GPR63: variants seen among roughly 807,000 people sequenced by gnomAD.
GPR63 encodes the protein G protein-coupled receptor 63.
GPR63 carries 12 observed loss-of-function variants against 23.1 expected under a neutral mutation model. That is an observed-to-expected ratio of 0.52 (90% confidence interval 0.33 to 0.84). The LOEUF (loss-of-function observed/expected upper bound fraction) is 0.84. Ranked by LOEUF, GPR63 falls within the 40% of genes least tolerant of loss-of-function variation. The probability of loss-of-function intolerance (pLI) is 0.02; values close to 1 mark genes in which losing one functional copy is unlikely to be tolerated. For missense variants in GPR63, 472 were observed against 515.6 expected (o/e 0.92, Z 0.82); for synonymous variants, 172 against 191.1 (o/e 0.90, Z 0.82).
At chr6:96,836,783 C>T (rs1305506296) in intron 1 of GPR63, among the ~76,000 whole-genome samples, 1 of 152,054 alleles carries the variant, frequency 6.6e-6, no homozygotes, top group Non-Finnish European at 1.5e-5. Flanking sequence ...ACTGTTGGAG[C>T]GCGAAAGGAC....
intron 1 of GPR63, among the ~76,000 whole-genome samples, chr6:96,829,367 A>G (rs1324475388): frequency 1.3e-5 from 2 of 152,178 alleles, no homozygotes; most frequent in Admixed American, 1.3e-4. Context: ...AGGAAACATG[A>G]TTCTCATTAA....
chr6:96,810,143 T>A (rs937492413), intron 1 of GPR63, among the ~76,000 whole-genome samples: 20 of 152,174 alleles, frequency 1.3e-4, no homozygotes, highest in Admixed American at 7.9e-4. Flanking sequence ...AGAATGTTCA[T>A]TGTAGCATTA....
chr6:96,820,287 T>C (rs1287572785), intron 1 of GPR63, among the ~76,000 whole-genome samples: 3 of 152,172 alleles, frequency 2.0e-5, no homozygotes, highest in Non-Finnish European at 2.9e-5. Flanking sequence ...CAAAATAAGG[T>C]ATTTAGACAT....
intron 1 of GPR63, among the ~76,000 whole-genome samples, chr6:96,810,089 C>G (rs1774002922): frequency 1.3e-5 from 2 of 152,222 alleles, no homozygotes; most frequent in South Asian, 4.1e-4. Flanking sequence ...TAAATATTGT[C>G]TAGAATTCTA....
In GPR63 at chr6:96,817,658, C is replaced by A. The variant is rs1774197656; in HGVS notation, c.-150-17777G>T. Among the ~76,000 whole-genome samples the A allele has an allele frequency of 2.0e-5, 3 of 151,950 alleles. No individual in the cohort carries two copies. In the South Asian group the frequency reaches 6.2e-4, roughly 31 times the overall value. On this transcript the variant is annotated intron_variant, in intron 1 of 1. Transcript: ENST00000229955. ...TTCATATAATCAAATACTACACAGC[C>A]ACGAAAATGGGCAAAACTACTATAA...
chr6:96,832,774 C>A (rs1774621148), intron 1 of GPR63, among the ~76,000 whole-genome samples: 1 of 149,296 alleles, frequency 6.7e-6, no homozygotes, highest in Admixed American at 6.8e-5. Flanking sequence ...GCACTTATAC[C>A]CCTGAACTTA....
At chr6:96,816,516 T>C (rs1189627351) in intron 1 of GPR63, among the ~76,000 whole-genome samples, 2 of 152,110 alleles carry the variant, frequency 1.3e-5, no homozygotes, top group Non-Finnish European at 2.9e-5. Context: ...TTTGAAGACA[T>C]CTGAGAGCCA....
rs1210465130 is a variant in GPR63 at position 96,794,409 on chromosome 6, G to A, written c.*4063C>T. The A allele has an allele frequency of 2.0e-5, 3 of 152,056 alleles. No individual in the cohort carries two copies. Among genetic ancestry groups the A allele is most frequent in the Admixed American group, 6.6e-5 (1 of 15,264 alleles). 9.4% of individuals were successfully genotyped at this position (152,056 alleles called of 1,614,324 possible). ...CTGAGTTTTCAATGAAGGCAGTTTA[G>A]CAGGACTATAGTTGTGAAAATAAAT... On this transcript the variant is annotated 3_prime_UTR_variant, in exon 2 of 2. Transcript: ENST00000229955.
rs1040309244 is a variant in GPR63 at position 96,837,347 on chromosome 6, C to T, written c.-230G>A. The T allele has an allele frequency of 1.3e-5, 2 of 152,462 alleles. No individual in the cohort carries two copies. Among genetic ancestry groups the T allele is most frequent in the African/African-American group, 4.8e-5 (2 of 41,482 alleles). The allele number at this position is 152,462 out of a possible 1,614,324, so 9.4% of individuals were successfully genotyped here. ...CCATGTAGTCCCTCCCGGAACTTTC[C>T]TGACATAGCACTTCTCTCCTCCGCT... On this transcript the variant is annotated 5_prime_UTR_variant, in exon 1 of 2. Transcript: ENST00000229955.
intron 1 of GPR63, among the ~76,000 whole-genome samples, chr6:96,808,751 C>G (rs961749149): frequency 1.3e-5 from 2 of 152,084 alleles, no homozygotes; most frequent in African/African-American, 2.4e-5. Flanking sequence ...GTCAACTAAA[C>G]AGGGCCAGCT....
At chr6:96,815,514 G>A (rs978676976) in intron 1 of GPR63, among the ~76,000 whole-genome samples, 23 of 152,178 alleles carry the variant, frequency 1.5e-4, no homozygotes, top group Admixed American at 1.2e-3. Flanking sequence ...CACAGTACCT[G>A]TATTAACAAC....
intron 1 of GPR63, among the ~76,000 whole-genome samples, chr6:96,803,558 G>A (rs927378816): frequency 9.9e-5 from 15 of 152,128 alleles, no homozygotes; most frequent in African/African-American, 2.7e-4. Flanking sequence ...TACAGTGGTC[G>A]TCATTCACTT....
intron 1 of GPR63, among the ~76,000 whole-genome samples, chr6:96,828,483 A>T (rs1455726104): frequency 6.6e-6 from 1 of 151,772 alleles, no homozygotes; most frequent in Non-Finnish European, 1.5e-5. Context: ...AAGAGTATAT[A>T]TTAAAATTGT....
At chr6:96,825,176 A>C (rs1774408945) in intron 1 of GPR63, among the ~76,000 whole-genome samples, 3 of 152,144 alleles carry the variant, frequency 2.0e-5, no homozygotes, top group Admixed American at 2.0e-4. Flanking sequence ...GTATATGTGT[A>C]TGTATGTGTA....
intron 1 of GPR63, among the ~76,000 whole-genome samples, chr6:96,827,275 A>G (rs1381517276): frequency 6.6e-6 from 1 of 152,150 alleles, no homozygotes; most frequent in African/African-American, 2.4e-5. Flanking sequence ...AACTAAATCG[A>G]CAAAGTGGCG....
intron 1 of GPR63, among the ~76,000 whole-genome samples, chr6:96,817,155 A>G (rs1476361998): frequency 2.0e-5 from 3 of 152,198 alleles, no homozygotes; most frequent in African/African-American, 7.2e-5. Context: ...AGAAAAAGAT[A>G]AACAACCCAG....
At position 96,810,888 on chromosome 6, in the gene GPR63, C is replaced by A. The variant is rs1441584817; in HGVS notation, c.-150-11007G>T. Among the ~76,000 whole-genome samples, 4 of 152,166 alleles carry A rather than the reference C, an allele frequency of 2.6e-5. No homozygotes were observed. The South Asian group carries it at 8.3e-4, about 32-fold the overall frequency. ...ATATTGATCTTGTACTATTCTATCA[C>A]ACTTTTCTTCCTGTTTCCTGTATAA... is the stretch of plus-strand genomic sequence containing the variant. On this transcript the variant is annotated intron_variant, in intron 1 of 1. Coordinates refer to ENST00000229955, the MANE Select transcript of GPR63 (RefSeq NM_030784.4).
chr6:96,830,503 CA>C (rs1774553897), intron 1 of GPR63, among the ~76,000 whole-genome samples: 1 of 152,056 alleles, frequency 6.6e-6, no homozygotes, highest in African/African-American at 2.4e-5. Context: ...AGTGCTAAAA[CA>C]GAGGTAAGTA....
chr6:96,807,544 G>C (rs534800417), intron 1 of GPR63, among the ~76,000 whole-genome samples: 1 of 152,246 alleles, frequency 6.6e-6, no homozygotes, highest in Admixed American at 6.5e-5. Context: ...AATATGTTTA[G>C]TATCCTGTGC....
Sources: gnomAD v4.1 joint callset for allele counts (sites outside exome capture counted in the v4.1 genomes callset) on GRCh38, gnomAD v4.1.1 for gene constraint, MANE v1.5 for transcripts, NCBI Gene and HGNC (gene_info 2026-07-23, HGNC 2026-07-21) for gene names.